The following LENG8 variants were observed in gnomAD, a reference collection of about 807,000 sequenced individuals.
The protein encoded by LENG8 is leukocyte receptor cluster member 8.
A neutral mutation model predicts 102.1 loss-of-function variants in LENG8; 28 were observed. That is an observed-to-expected ratio of 0.27 (90% CI 0.20 to 0.38). The LOEUF is 0.38. LENG8 is among the 10% of genes least tolerant of loss of function. The pLI is 1.00. For missense variants in LENG8, 1,022 were observed against 1,113.9 expected, an observed-to-expected ratio of 0.92 and a Z score of 1.17; for synonymous variants, 531 against 456.7, an observed-to-expected ratio of 1.16 and a Z score of -2.07.
chr19:54,453,575 C>T lies in LENG8; in HGVS notation c.345C>T (p.Ser115=), dbSNP rs1417807996. The T allele has an allele frequency of 6.2e-7, 1 of 1,614,046 alleles. No individual in the cohort carries two copies. The highest frequency in any genetic ancestry group is 1.1e-5 in the South Asian group (1 of 91,076). The change falls in exon 5 of 16, where the codon TCC becomes TCT. Residue 115 remains serine (S), a synonymous_variant. Coordinates refer to ENST00000326764, the MANE Select transcript of LENG8 (RefSeq NM_052925.4). ...MSMYQSYGSP[S]QYGMAGSYGS... is the part of the protein sequence containing the mutation. ...TGTACCAGAGCTATGGCTCCCCTTC[C>T]CAGTATGGGATGGCCGGCTCCTATG...
At chr19:54,460,594 G>C (rs1045899950) in intron 15 of LENG8, 172 bp from the exon 16 acceptor site, 125 of 1,290,840 alleles carry the variant, frequency 9.7e-5, no homozygotes, top group South Asian at 7.4e-4. Context: ...AACCCCCCCC[G>C]GGCCCCCCCC....
intron 15 of LENG8, chr19:54,458,797 C>G: frequency 6.4e-7 from 1 of 1,551,182 alleles, no homozygotes; most frequent in Non-Finnish European, 8.7e-7. Flanking sequence ...CTGTGTGTCT[C>G]TTCCTCCTGT....
intron 15 of LENG8, 43 bp from the exon 16 acceptor site, chr19:54,460,719 GCCCT>G: frequency 1.3e-6 from 1 of 778,920 alleles, no homozygotes; most frequent in Non-Finnish European, 1.8e-6. Flanking sequence ...GCCCTCCCCT[GCCCT>G]CCCGCCCGCC....
chr19:54,456,309 C>T lies in LENG8; in HGVS notation c.1305-16C>T, dbSNP rs557178089. 1.9e-6 allele frequency: 3 copies of T among 1,614,126 alleles called. No individual in the cohort carries two copies. The African/African-American group carries it at 4.0e-5, about 22-fold the overall frequency. ...GGGAGGCGTTTCAGGCCTGACCCTC[C>T]TGCTTCTTCCTGCAGTGACTCCCAC... On this transcript the variant is annotated splice_polypyrimidine_tract_variant and intron_variant, in intron 9 of 15. Transcript: ENST00000326764.
intron 10 of LENG8, 63 bp downstream of exon 10, chr19:54,456,528 G>GAGA: frequency 6.5e-7 from 1 of 1,543,396 alleles, no homozygotes; most frequent in Non-Finnish European, 8.7e-7. Flanking sequence ...GGACCCATGG[G>GAGA]AGAAGGAGGA....
intron 3 of LENG8, 22 bp downstream of exon 3, chr19:54,452,289 G>A (rs2083997549): frequency 1.3e-6 from 2 of 1,582,726 alleles, no homozygotes; most frequent in Admixed American, 1.8e-5. Context: ...TCATGGGGCT[G>A]GGGTACCCTG....
At chr19:54,453,441 G>A (rs1275059707) in intron 4 of LENG8, 105 bp from the exon 5 acceptor site, 7 of 727,326 alleles carry the variant, frequency 9.6e-6, no homozygotes, top group Non-Finnish European at 1.7e-5. Flanking sequence ...GAGAGAAAGG[G>A]GTGAGGGATT....
chr19:54,453,605 A>G lies in LENG8; in HGVS notation c.375A>G (p.Ser125=), dbSNP rs1271865213. The G allele has an allele frequency of 6.2e-7, 1 of 1,613,966 alleles. No homozygotes were observed. The highest frequency in any genetic ancestry group is 8.5e-7 in the Non-Finnish European group (1 of 1,180,022). Residue 125 remains serine (S), a synonymous_variant, in exon 5 of 16, where the codon TCA becomes TCG. Transcript: ENST00000326764. ...ATGGGATGGCCGGCTCCTATGGCTC[A>G]GCCACACCCCAGCAGCCATCCGCAC... ...SQYGMAGSYG[S]ATPQQPSAPQ...
In LENG8 at chr19:54,461,802, G is replaced by A. The variant is rs1237993149; in HGVS notation, c.*874G>A. On this transcript the variant is annotated 3_prime_UTR_variant, in exon 16 of 16. Transcript: ENST00000326764. ...CTTCCTCCTCTCCCTTTTCTTTTTG[G>A]CCCTCCCTCCCTCCCTCTTCTGCCA... The A allele has an allele frequency of 4.8e-6, 3 of 624,696 alleles. No individual in the cohort carries two copies. Among genetic ancestry groups the A allele is most frequent in the Non-Finnish European group, 9.2e-6 (3 of 327,312 alleles). The allele number at this position is 624,696 out of a possible 1,614,324, so 38.7% of individuals were successfully genotyped here.
chr19:54,458,055 C>T lies in LENG8; in HGVS notation c.1903-48C>T, dbSNP rs1231330105. 1.1e-5 allele frequency: 18 copies of T among 1,612,132 alleles called. 1 individual carries two copies. Among genetic ancestry groups the T allele is most frequent in the Admixed American group, 1.0e-4 (6 of 60,002 alleles). The stretch of plus-strand genomic sequence containing the variant: ...GCCCCTTTCCTGCTGCCGTTCTGCC[C>T]TCAGCACCCTCACTCTGCTCTCCTC... On this transcript the variant is annotated intron_variant, in intron 13 of 15. Transcript: ENST00000326764.
intron 6 of LENG8, 47 bp downstream of exon 6, chr19:54,454,729 A>G (rs779685604): frequency 2.0e-6 from 3 of 1,531,058 alleles, no homozygotes; most frequent in African/African-American, 1.4e-5. Flanking sequence ...GGGCCCTCAT[A>G]AGAGCTCCTG....
chr19:54,458,966 G>A, intron 15 of LENG8: 1 of 1,472,456 alleles, frequency 6.8e-7, no homozygotes, highest in Non-Finnish European at 9.0e-7. Flanking sequence ...CAGCTCCTTT[G>A]AGAGCACCAG....
rs764329239 is a variant in LENG8 at position 54,461,230 on chromosome 19, TTC to T, written c.*314_*315del. ...ACTCCACTAATGCTGTCTCAGTGTT[TTC>T]TCTCTCTCTCTTTCGAGCTTGCACT... is the stretch of plus-strand genomic sequence containing the variant. On this transcript the variant is annotated 3_prime_UTR_variant, in exon 16 of 16. Transcript: ENST00000326764. 496 of 609,734 alleles carry T rather than the reference TTC, an allele frequency of 8.1e-4. No individual in the cohort carries two copies. The highest frequency in any genetic ancestry group is 1.1e-3 in the East Asian group (33 of 29,402). The allele number at this position is 609,734 out of a possible 1,614,324, so 37.8% of individuals were successfully genotyped here. A position where few individuals can be genotyped will look rare whatever the true frequency, so the allele number is the denominator to read the frequency against.
In LENG8 at chr19:54,461,630, T is replaced by C. The variant is rs181164622; in HGVS notation, c.*702T>C. Reference sequence around the variant, plus strand: ...CCCAGTGTTTCTTCTGATTTTTTTTTCCCCTTTCCCTCCCTCCCTCTCCGC... The same window carrying C: ...CCCAGTGTTTCTTCTGATTTTTTTTCCCCCTTTCCCTCCCTCCCTCTCCGC... On this transcript the variant is annotated 3_prime_UTR_variant, in exon 16 of 16. Transcript: ENST00000326764. The C allele has an allele frequency of 6.2e-3, 2,926 of 474,496 alleles. 24 individuals carry two copies. Among genetic ancestry groups the C allele is most frequent in the Non-Finnish European group, 7.7e-3 (1,771 of 229,440 alleles). The allele number at this position is 474,496 out of a possible 1,614,324, so 29.4% of individuals were successfully genotyped here.
At position 54,456,431 on chromosome 19, in the gene LENG8, G is replaced by T; in HGVS notation, c.1411G>T (p.Asp471Tyr). The change falls in exon 10 of 16, where the codon GAT (aspartate) becomes TAT (tyrosine). Residue 471 changes from aspartate (D) to tyrosine (Y), a missense_variant. This residue lies in a region of LENG8 where 326 missense variants were observed against 324.5 expected (regional missense o/e 1.00). Coordinates refer to ENST00000326764, the MANE Select transcript of LENG8 (RefSeq NM_052925.4). ...KGRGGRGAHM[D>Y]RGRGRAQRGK... ...CCGGGGCGGTCGAGGGGCCCATATG[G>T]ATCGGGGCCGAGGCAGGGCGCAGCG... The T allele has an allele frequency of 6.2e-7, 1 of 1,608,700 alleles. No homozygotes were observed.
At chr19:54,454,340 G>A (rs1056161545) in intron 5 of LENG8, 90 bp from the exon 6 acceptor site, 26 of 1,354,756 alleles carry the variant, frequency 1.9e-5, no homozygotes, top group Non-Finnish European at 2.5e-5. Flanking sequence ...GCTGAGTGCT[G>A]TGACCACTGC....
Position 54,454,533 on chromosome 19 carries a change from A to G in LENG8, c.530A>G (p.His177Arg). The change falls in exon 6 of 16, where the codon CAC becomes CGC. Residue 177 changes from histidine to arginine, a missense_variant. Transcript: ENST00000326764. Reference protein sequence around the residue: ...PQPSNPPHGAHTLNSGPQPGT... With the variant: ...PQPSNPPHGARTLNSGPQPGT... ...CCCTCAAATCCCCCACATGGGGCTCACACGCTGAACAGTGGCCCTCAGCCT... is the reference window on the plus strand; with the variant it reads ...CCCTCAAATCCCCCACATGGGGCTCGCACGCTGAACAGTGGCCCTCAGCCT... The G allele has an allele frequency of 6.2e-7, 1 of 1,613,734 alleles. No individual in the cohort carries two copies. The highest frequency in any genetic ancestry group is 8.5e-7 in the Non-Finnish European group (1 of 1,179,908).
At chr19:54,455,686 A>T in intron 8 of LENG8, 119 bp downstream of exon 8, 1 of 1,013,908 alleles carries the variant, frequency 9.9e-7, no homozygotes. Context: ...AATGAACTGG[A>T]AAGTTGGATC....
At position 54,457,844 on chromosome 19, in the gene LENG8, T is replaced by C; in HGVS notation, c.1829T>C (p.Leu610Pro). 1 of 1,613,910 alleles carries C rather than the reference T, an allele frequency of 6.2e-7. No homozygotes were observed. The highest frequency in any genetic ancestry group is 8.5e-7 in the Non-Finnish European group (1 of 1,179,726). The change falls in exon 12 of 16, where the codon CTG becomes CCG. Residue 610 changes from leucine to proline, a missense_variant. By Grantham distance (98) the Leu-to-Pro change is moderately conservative (BLOSUM62 -3). Transcript: ENST00000326764. Reference sequence around the variant, plus strand: ...CAGATGAAGTCGATCCGGCAGGATCTGACGGTGAGACTCGCGCTGGGAGGG... The same window carrying C: ...CAGATGAAGTCGATCCGGCAGGATCCGACGGTGAGACTCGCGCTGGGAGGG... ...CEQMKSIRQDLTVQGIRTEFT... is the reference protein window; with the variant it reads ...CEQMKSIRQDPTVQGIRTEFT...
Sources: gnomAD v4.1 joint callset for allele counts on GRCh38, gnomAD v4.1.1 for gene constraint, gnomAD v4.1.1 regional missense constraint, MANE v1.5 for transcripts, NCBI Gene and HGNC (gene_info 2026-07-23, HGNC 2026-07-21) for gene names.